DIAPH1: variants seen among roughly 807,000 people sequenced by gnomAD.
DIAPH1 encodes the protein protein diaphanous homolog 1.
Under a neutral mutation model 140.7 loss-of-function variants are expected in DIAPH1, and 46 were observed. The ratio of observed to expected loss-of-function variants is 0.33; its 90% CI spans 0.26 to 0.42. The LOEUF is 0.42. DIAPH1 is among the 10% of genes least tolerant of loss of function. The pLI, the probability that DIAPH1 is intolerant of heterozygous loss-of-function variation, is 1.00. For synonymous variants in DIAPH1, 565 were observed against 551.6 expected (o/e 1.02, Z -0.34); for missense variants, 1,310 against 1,558.7 (o/e 0.84, Z 2.69).
Position 141,577,273 on chromosome 5 carries a change from T to C in DIAPH1, c.1280+202A>G, listed in dbSNP as rs114410289. Among the ~76,000 whole-genome samples, 155 of 152,362 alleles carry C rather than the reference T, an allele frequency of 1.0e-3. 2 individuals carry two copies. The highest frequency in any genetic ancestry group is 3.4e-3 in the Middle Eastern group (1 of 294). ...AAAAACAGAACGGCATTTCACCTTA[T>C]ACACTCTGACCTCTGCCATAGGGAT... is the stretch of plus-strand genomic sequence containing the variant. On this transcript the variant is annotated intron_variant, in intron 12 of 27. Transcript: ENST00000389054.
intron 1 of DIAPH1, among the ~76,000 whole-genome samples, chr5:141,591,928 A>G (rs921936574): frequency 6.7e-6 from 1 of 150,290 alleles, no homozygotes; most frequent in Admixed American, 6.6e-5. Flanking sequence ...CTAAAAATAC[A>G]AAAATTAGAC....
At chr5:141,535,037 C>T (rs2099888804) in intron 18 of DIAPH1, among the ~76,000 whole-genome samples, 1 of 152,188 alleles carries the variant, frequency 6.6e-6, no homozygotes, top group African/African-American at 2.4e-5. Flanking sequence ...GCAGCCTTGA[C>T]CTCTTGGGCT....
At chr5:141,585,543 C>T (rs1355991435) in intron 3 of DIAPH1, among the ~76,000 whole-genome samples, 22 of 151,992 alleles carry the variant, frequency 1.4e-4, no homozygotes, top group African/African-American at 5.1e-4. Flanking sequence ...GGCTCATGCC[C>T]GTAATCCCAG....
intron 18 of DIAPH1, among the ~76,000 whole-genome samples, chr5:141,534,895 G>A (rs2099888776): frequency 6.6e-6 from 1 of 152,148 alleles, no homozygotes; most frequent in Non-Finnish European, 1.5e-5. Flanking sequence ...CTTCCACCAT[G>A]TTATCCTTCC....
chr5:141,571,349 G>A (rs1165560587), intron 18 of DIAPH1, 79 bp downstream of exon 18: 3 of 1,251,544 alleles, frequency 2.4e-6, no homozygotes, highest in East Asian at 4.8e-5. Context: ...GTTTTCTAAT[G>A]AGAAATTCCT....
At position 141,573,525 on chromosome 5, in the gene DIAPH1, T is replaced by C; in HGVS notation, c.2325A>G (p.Pro775=). ...FGLTPKKLYK[P]EVQLRRPNWS... is the part of the protein sequence containing the mutation. ...AGTTTGGCCTCCGGAGCTGCACCTC[T>C]GGCTTATAAAGCTTTTTGGGGGTTA... Residue 775 remains proline (P), a synonymous_variant, in exon 16 of 28, where the codon CCA becomes CCG. Transcript: ENST00000389054. The C allele has an allele frequency of 6.2e-7, 1 of 1,612,570 alleles. No homozygotes were observed. The highest frequency in any genetic ancestry group is 8.5e-7 in the Non-Finnish European group (1 of 1,179,264).
At chr5:141,595,766 T>A (rs540886691) in intron 1 of DIAPH1, among the ~76,000 whole-genome samples, 1 of 152,196 alleles carries the variant, frequency 6.6e-6, no homozygotes, top group Non-Finnish European at 1.5e-5. Context: ...TATTTCTTCA[T>A]AGCAGTGTGA....
chr5:141,535,979 T>C (rs1201172868), intron 18 of DIAPH1: 8 of 467,656 alleles, frequency 1.7e-5, no homozygotes, highest in Non-Finnish European at 3.6e-5. Context: ...AAAAGTTACA[T>C]ACAAAAGGTA....
intron 18 of DIAPH1, among the ~76,000 whole-genome samples, chr5:141,543,718 C>T (rs1476090173): frequency 6.6e-6 from 1 of 152,164 alleles, no homozygotes; most frequent in Admixed American, 6.5e-5. Flanking sequence ...TGCATTCCAA[C>T]TTAACAATAT....
chr5:141,597,649 C>T (rs547839120), intron 1 of DIAPH1, among the ~76,000 whole-genome samples: 32 of 152,270 alleles, frequency 2.1e-4, no homozygotes, highest in African/African-American at 7.7e-4. Context: ...TACAGAGAAC[C>T]ACCAGCTAAA....
At chr5:141,542,079 A>G (rs575685953) in intron 18 of DIAPH1, among the ~76,000 whole-genome samples, 2 of 152,332 alleles carry the variant, frequency 1.3e-5, no homozygotes, top group Non-Finnish European at 2.9e-5. Context: ...AGCTACTCAA[A>G]TGGATACAAG....
intron 18 of DIAPH1, among the ~76,000 whole-genome samples, chr5:141,567,910 T>A (rs926105370): frequency 1.3e-5 from 2 of 152,230 alleles, no homozygotes; most frequent in African/African-American, 4.8e-5. Flanking sequence ...TGTTATTTTT[T>A]AATAAAATTC....
chr5:141,557,458 C>A (rs72792304), intron 18 of DIAPH1, among the ~76,000 whole-genome samples: 3 of 152,030 alleles, frequency 2.0e-5, no homozygotes, highest in Admixed American at 2.0e-4. Context: ...ATTTTTTTCA[C>A]GGTTTCAAAA....
intron 1 of DIAPH1, among the ~76,000 whole-genome samples, chr5:141,596,650 C>T (rs1312009776): frequency 6.6e-6 from 1 of 152,034 alleles, no homozygotes; most frequent in Non-Finnish European, 1.5e-5. Flanking sequence ...ATTAATTTCA[C>T]GTTTCTAAAA....
At chr5:141,605,166 GA>G (rs1189475027) in intron 1 of DIAPH1, among the ~76,000 whole-genome samples, 1 of 151,840 alleles carries the variant, frequency 6.6e-6, no homozygotes, top group Admixed American at 6.6e-5. Flanking sequence ...TATTTTCTTA[GA>G]AAAAAACTAT....
In DIAPH1 at chr5:141,528,569, T is replaced by C. The variant is rs1456440722; in HGVS notation, c.3032A>G (p.Lys1011Arg). 2 of 1,614,200 alleles carry C rather than the reference T, an allele frequency of 1.2e-6. No homozygotes were observed. Among genetic ancestry groups the C allele is most frequent in the South Asian group, 1.1e-5 (1 of 91,088 alleles). Reference protein sequence around the residue: ...ISFLCKLRDTKSTDQKMTLLH... With the variant: ...ISFLCKLRDTRSTDQKMTLLH... Reference sequence around the variant, plus strand: ...CAACGTCATCTTCTGATCTGTGGACTTGGTGTCTCGAAGCTTAGAGAAAGA... The same window carrying C: ...CAACGTCATCTTCTGATCTGTGGACCTGGTGTCTCGAAGCTTAGAGAAAGA... The change falls in exon 23 of 28, where the codon AAG becomes AGG. Residue 1011 changes from lysine (K) to arginine (R), a missense_variant. Around this residue, in one of 3 missense-constraint regions of DIAPH1, gnomAD observed 344 missense variants for 512.2 expected, o/e 0.67. Transcript: ENST00000389054.
At position 141,575,670 on chromosome 5, in the gene DIAPH1, A is replaced by G. The variant is rs549021939; in HGVS notation, c.1462-524T>C. ...TCTCAAAAAAAAAACAAATAAAAAT[A>G]AAAATGAAAATAAAACAAGGTTAAA... is the stretch of plus-strand genomic sequence containing the variant. On this transcript the variant is annotated intron_variant, in intron 14 of 27. Coordinates refer to ENST00000389054, the MANE Select transcript of DIAPH1 (RefSeq NM_005219.5). Among the ~76,000 whole-genome samples the G allele has an allele frequency of 6.0e-4, 91 of 152,176 alleles. No individual in the cohort carries two copies. The South Asian group carries it at 1.0e-2, about 17-fold the overall frequency.
intron 18 of DIAPH1, among the ~76,000 whole-genome samples, chr5:141,548,207 A>C (rs1048854569): frequency 1.3e-5 from 2 of 151,906 alleles, no homozygotes; most frequent in Admixed American, 1.3e-4. Flanking sequence ...TCAAAAAAAA[A>C]AACCTCAAAA....
intron 18 of DIAPH1, among the ~76,000 whole-genome samples, chr5:141,541,842 G>A (rs757700412): frequency 1.3e-5 from 2 of 152,088 alleles, no homozygotes; most frequent in Non-Finnish European, 2.9e-5. Context: ...AAAGTTACGT[G>A]ACCCAACTGT....
Sources: gnomAD v4.1 joint callset for allele counts (sites outside exome capture counted in the v4.1 genomes callset) on GRCh38, gnomAD v4.1.1 for gene constraint, gnomAD v4.1.1 regional missense constraint, MANE v1.5 for transcripts, NCBI Gene and HGNC (gene_info 2026-07-23, HGNC 2026-07-21) for gene names.